Variants in TANGO6 observed in about 807,000 individuals in gnomAD.
TANGO6 encodes transport and golgi organization 6 homolog, also known as transport and Golgi organization protein 6 homolog.
In TANGO6, 90 loss-of-function variants were observed where a neutral mutation model predicts 114.2. The observed-to-expected ratio is 0.79, with a 90% CI of 0.66 to 0.94. TANGO6 has a LOEUF of 0.94. Among genes scored for constraint, TANGO6 ranks in the 40% least tolerant of loss-of-function variants. The pLI is 0.00. For synonymous variants in TANGO6, 477 were observed against 509.8 expected, an observed-to-expected ratio of 0.94 and a Z score of 0.87; for missense variants, 1,274 against 1,315.3, an observed-to-expected ratio of 0.97 and a Z score of 0.49.
At chr16:68,922,623 G>C (rs1412236257) in intron 12 of TANGO6, among the ~76,000 whole-genome samples, 1 of 151,620 alleles carries the variant, frequency 6.6e-6, no homozygotes, top group Admixed American at 6.6e-5. Context: ...AAATTTCAGA[G>C]TTAGTCACCA....
chr16:68,969,875 T>G (rs1351958965), intron 14 of TANGO6, among the ~76,000 whole-genome samples: 2 of 152,158 alleles, frequency 1.3e-5, no homozygotes, highest in Non-Finnish European at 2.9e-5. Context: ...GGGTCTCTTC[T>G]TCTTCTTCTC....
chr16:69,083,038 G>A (rs1386740246), intron 17 of TANGO6, among the ~76,000 whole-genome samples: 3 of 151,794 alleles, frequency 2.0e-5, no homozygotes, highest in South Asian at 2.1e-4. Context: ...ATCTCAGTAC[G>A]AGGGCTAGCG....
intron 16 of TANGO6, among the ~76,000 whole-genome samples, chr16:69,039,168 G>A (rs2152233911): frequency 6.6e-6 from 1 of 152,046 alleles, no homozygotes; most frequent in Non-Finnish European, 1.5e-5. Flanking sequence ...CTGGGCGACA[G>A]AGTGAGACTC....
intron 16 of TANGO6, among the ~76,000 whole-genome samples, chr16:69,031,080 A>T (rs1206303916): frequency 6.6e-6 from 1 of 152,044 alleles, no homozygotes; most frequent in Non-Finnish European, 1.5e-5. Context: ...ATTAAATTTT[A>T]AAAATTTAAA....
chr16:68,939,072 CAA>C (rs752047565), intron 14 of TANGO6, among the ~76,000 whole-genome samples: 6 of 57,028 alleles, frequency 1.1e-4, no homozygotes, highest in Non-Finnish European at 1.4e-4. Context: ...ACCCTGTCCC[CAA>C]AAAAAAAAAA....
At chr16:69,022,799 G>T (rs1199634348) in intron 15 of TANGO6, 29 bp from the exon 16 acceptor site, 2 of 1,552,212 alleles carry the variant, frequency 1.3e-6, no homozygotes, top group Non-Finnish European at 1.7e-6. Context: ...TTGTTTTAAG[G>T]GGTTTTGATT....
chr16:69,015,232 A>G (rs995737208), intron 15 of TANGO6, among the ~76,000 whole-genome samples: 1 of 152,152 alleles, frequency 6.6e-6, no homozygotes, highest in Non-Finnish European at 1.5e-5. Flanking sequence ...AGAGAGGTCC[A>G]GTCTCGGAGA....
intron 17 of TANGO6, among the ~76,000 whole-genome samples, chr16:69,070,805 C>T (rs1230523800): frequency 2.0e-5 from 3 of 149,916 alleles, no homozygotes; most frequent in African/African-American, 7.4e-5. Flanking sequence ...CGGAATTTCG[C>T]TCTGGTTGCC....
intron 15 of TANGO6, among the ~76,000 whole-genome samples, chr16:68,978,800 C>T (rs879262616): frequency 3.3e-5 from 5 of 151,902 alleles, no homozygotes; most frequent in African/African-American, 4.8e-5. Context: ...ATGCTAGTTC[C>T]CTAGCCACAC....
intron 12 of TANGO6, among the ~76,000 whole-genome samples, chr16:68,920,245 AC>A (rs1263804530): frequency 6.6e-6 from 1 of 152,218 alleles, no homozygotes; most frequent in Non-Finnish European, 1.5e-5. Flanking sequence ...AGTGGCGGGT[AC>A]CAAGAGCACA....
intron 14 of TANGO6, among the ~76,000 whole-genome samples, chr16:68,948,513 C>A (rs1284811728): frequency 1.3e-5 from 2 of 152,120 alleles, no homozygotes; most frequent in Non-Finnish European, 2.9e-5. Flanking sequence ...ATTTTTGCCA[C>A]AGGGAAAAAT....
chr16:68,855,749 A>G (rs1005267131), intron 1 of TANGO6, among the ~76,000 whole-genome samples: 1 of 151,808 alleles, frequency 6.6e-6, no homozygotes, highest in African/African-American at 2.4e-5. Context: ...GCCAAGCATT[A>G]TTACGGGTGC....
intron 14 of TANGO6, among the ~76,000 whole-genome samples, chr16:68,931,485 G>C (rs1012106981): frequency 6.6e-6 from 1 of 152,172 alleles, no homozygotes; most frequent in African/African-American, 2.4e-5. Context: ...CAATAACCAA[G>C]AGGTGGAAAT....
intron 11 of TANGO6, among the ~76,000 whole-genome samples, chr16:68,913,093 A>G (rs1456854375): frequency 6.7e-6 from 1 of 149,626 alleles, no homozygotes; most frequent in Non-Finnish European, 1.5e-5. Flanking sequence ...AAAAAAAAAC[A>G]GGGTAATAAC....
At chr16:69,007,275 T>C (rs1341953137) in intron 15 of TANGO6, 15 of 148,250 alleles carry the variant, frequency 1.0e-4, no homozygotes, top group African/African-American at 3.2e-4. Flanking sequence ...TTTTCTTTTT[T>C]TTTTTTTTTT....
intron 11 of TANGO6, among the ~76,000 whole-genome samples, chr16:68,916,903 A>G (rs567486949): frequency 4.5e-4 from 68 of 152,246 alleles, no homozygotes; most frequent in Middle Eastern, 6.8e-3. Context: ...ATCAGTCTAC[A>G]TTGACACATC....
At chr16:68,884,061 C>A (rs550239039) in intron 7 of TANGO6, among the ~76,000 whole-genome samples, 5 of 152,004 alleles carry the variant, frequency 3.3e-5, no homozygotes, top group Non-Finnish European at 7.4e-5. Context: ...AGGCACCCAC[C>A]ACCACGCCGA....
intron 15 of TANGO6, among the ~76,000 whole-genome samples, chr16:68,990,097 G>C (rs112017283): frequency 6.6e-6 from 1 of 152,120 alleles, no homozygotes; most frequent in South Asian, 2.1e-4. Flanking sequence ...GCAGTGGTGC[G>C]ATCACAGCTC....
chr16:68,977,416 A>C (rs1963775287), intron 15 of TANGO6, among the ~76,000 whole-genome samples: 1 of 150,852 alleles, frequency 6.6e-6, no homozygotes, highest in Admixed American at 6.6e-5. Flanking sequence ...AGTCTTAGCC[A>C]GGCGTGGTGG....
Sources: allele counts gnomAD v4.1 joint callset (sites outside exome capture counted in the v4.1 genomes callset), GRCh38; gene constraint gnomAD v4.1.1; transcripts MANE v1.5; gene names NCBI Gene and HGNC (gene_info 2026-07-23, HGNC 2026-07-21).